FBN2: variants seen among roughly 807,000 people sequenced by gnomAD.
FBN2 encodes fibrillin 2, also known as fibrillin-2.
FBN2 carries 105 observed loss-of-function variants against 355.6 expected under a neutral mutation model. The observed-to-expected ratio is 0.30, with a 90% CI of 0.25 to 0.35. The LOEUF (loss-of-function observed/expected upper bound fraction) is 0.35. Among genes scored for constraint, FBN2 ranks in the 10% least tolerant of loss-of-function variants. The pLI is 1.00. For synonymous variants in FBN2, 1,350 were observed against 1,301.2 expected, an observed-to-expected ratio of 1.04 and a Z score of -0.81; for missense variants, 3,280 against 3,758.7, an observed-to-expected ratio of 0.87 and a Z score of 3.33.
At chr5:128,452,527 T>C (rs779362182) in intron 6 of FBN2, among the ~76,000 whole-genome samples, 1 of 152,126 alleles carries the variant, frequency 6.6e-6, no homozygotes, top group Non-Finnish European at 1.5e-5. Flanking sequence ...TATTAGATGA[T>C]ATATTATTTT....
intron 15 of FBN2, chr5:128,371,314 G>A (rs941098497): frequency 6.6e-6 from 1 of 152,074 alleles, no homozygotes; most frequent in Non-Finnish European, 1.5e-5. Flanking sequence ...GAACAATACC[G>A]GTAGCACCAT....
At chr5:128,318,071 C>T (rs1427217060) in intron 36 of FBN2, 78 bp downstream of exon 36, 1 of 1,439,394 alleles carries the variant, frequency 6.9e-7, no homozygotes, top group African/African-American at 1.4e-5. Context: ...AGCAAACACT[C>T]ATCACGGTTC....
chr5:128,305,438 T>C lies in FBN2; in HGVS notation c.5674+73A>G, dbSNP rs1197793824. 4 of 1,542,978 alleles carry C rather than the reference T, an allele frequency of 2.6e-6. No homozygotes were observed. The African/African-American group carries it at 5.4e-5, about 21-fold the overall frequency. The stretch of plus-strand genomic sequence containing the variant: ...GAGAAAATCTTTCCCAAATTATTCT[T>C]GAAGTATTTTTTGATAGGAAATCTA... On this transcript the variant is annotated intron_variant, in intron 44 of 64. Transcript: ENST00000262464.
At chr5:128,501,695 A>T (rs1422545000) in intron 5 of FBN2, among the ~76,000 whole-genome samples, 1 of 152,184 alleles carries the variant, frequency 6.6e-6, no homozygotes, top group Non-Finnish European at 1.5e-5. Flanking sequence ...AAATGATCAA[A>T]CAAAACAGTG....
chr5:128,376,307 G>T (rs1313330951), intron 14 of FBN2, among the ~76,000 whole-genome samples: 1 of 152,108 alleles, frequency 6.6e-6, no homozygotes, highest in African/African-American at 2.4e-5. Context: ...GTTACAAATG[G>T]TCTGTATATT....
At position 128,388,369 on chromosome 5, in the gene FBN2, T is replaced by A. The variant is rs138270580; in HGVS notation, c.1603+3649A>T. 5.8e-3 allele frequency among the ~76,000 whole-genome samples: 890 copies of A among 152,348 alleles called. 7 individuals carry two copies. The highest frequency in any genetic ancestry group is 0.02 in the African/African-American group (827 of 41,582). On this transcript the variant is annotated intron_variant, in intron 11 of 64. Coordinates refer to ENST00000262464, the MANE Select transcript of FBN2 (RefSeq NM_001999.4). ...AGGATAATATTGGTATGTGCTGATT[T>A]GATCCTGCCATTGCATTTAGGAGGT...
At chr5:128,265,932 C>T (rs890281708) in intron 62 of FBN2, among the ~76,000 whole-genome samples, 5 of 152,138 alleles carry the variant, frequency 3.3e-5, no homozygotes, top group African/African-American at 7.2e-5. Context: ...ACGAGGATTC[C>T]GGGGGAAATC....
intron 5 of FBN2, among the ~76,000 whole-genome samples, chr5:128,513,557 T>C (rs1451464633): frequency 6.6e-6 from 1 of 152,222 alleles, no homozygotes; most frequent in East Asian, 1.9e-4. Flanking sequence ...ACTGCTTTTG[T>C]TCAAAAGAGA....
intron 18 of FBN2, 101 bp downstream of exon 18, chr5:128,364,497 CTG>C (rs1241023571): frequency 3.3e-5 from 41 of 1,227,886 alleles, no homozygotes; most frequent in Non-Finnish European, 4.3e-5. Flanking sequence ...ACAAGAAAAA[CTG>C]TACAATTTTT....
At chr5:128,360,048 C>T (rs1289802032) in intron 19 of FBN2, among the ~76,000 whole-genome samples, 2 of 152,122 alleles carry the variant, frequency 1.3e-5, no homozygotes, top group Non-Finnish European at 2.9e-5. Flanking sequence ...ATCAAGATGA[C>T]GTCCTACCCT....
Position 128,292,626 on chromosome 5 carries a change from A to C in FBN2, c.6167-972T>G, listed in dbSNP as rs373784899. On this transcript the variant is annotated intron_variant, in intron 48 of 64. Transcript: ENST00000262464. ...GCCACCACCACCAACAACAAAAAAA[A>C]CAAACACAACAACTCCTGCAATGGC... Among the ~76,000 whole-genome samples, 2 of 152,182 alleles carry C rather than the reference A, an allele frequency of 1.3e-5. 1 individual carries two copies. Among genetic ancestry groups the C allele is most frequent in the South Asian group, 4.1e-4 (2 of 4,834 alleles).
chr5:128,450,846 A>G (rs181697982), intron 6 of FBN2, among the ~76,000 whole-genome samples: 1 of 152,278 alleles, frequency 6.6e-6, no homozygotes, highest in East Asian at 1.9e-4. Flanking sequence ...ACAAGCTTAC[A>G]TAATAGATTT....
At chr5:128,377,601 A>T (rs759014868) in intron 13 of FBN2, 151 bp downstream of exon 13, 7 of 822,844 alleles carry the variant, frequency 8.5e-6, no homozygotes, top group Non-Finnish European at 1.4e-5. Context: ...TTGCTTTAAC[A>T]GTCTTATATT....
chr5:128,441,450 A>G (rs1306558799), intron 7 of FBN2, among the ~76,000 whole-genome samples: 2 of 152,180 alleles, frequency 1.3e-5, no homozygotes, highest in African/African-American at 4.8e-5. Context: ...TTTCTCATCC[A>G]TATAATCCTA....
Position 128,408,691 on chromosome 5 carries a change from T to C in FBN2, c.1061A>G (p.Asp354Gly), listed in dbSNP as rs761066631. 5.6e-6 allele frequency: 9 copies of C among 1,614,026 alleles called. No homozygotes were observed. Among genetic ancestry groups the C allele is most frequent in the Non-Finnish European group, 7.6e-6 (9 of 1,179,914 alleles). Reference protein sequence around the residue: ...VCPRGYVTSTDGSRCIDQRTG... With the variant: ...VCPRGYVTSTGGSRCIDQRTG... ...AGGCTTACCGATGCATCGAGAGCCA[T>C]CTGTTGAGGTTACATATCCACGTGG... is the stretch of plus-strand genomic sequence containing the variant. Residue 354 changes from aspartate to glycine, a missense_variant, in exon 8 of 65, where the codon GAT (aspartate) becomes GGT (glycine). By Grantham distance (94) the Asp-to-Gly change is moderately conservative (BLOSUM62 -1). Around this residue, in one of 6 missense-constraint regions of FBN2, gnomAD observed 343 missense variants for 331.0 expected, o/e 1.04. Transcript: ENST00000262464.
intron 40 of FBN2, 138 bp downstream of exon 40, chr5:128,309,845 G>A: frequency 2.0e-6 from 2 of 982,456 alleles, no homozygotes; most frequent in Non-Finnish European, 3.2e-6. Flanking sequence ...TACTAAGCCA[G>A]CAGCTTGCAA....
intron 34 of FBN2, among the ~76,000 whole-genome samples, chr5:128,319,515 TTAAA>T (rs1253288688): frequency 2.0e-5 from 3 of 151,794 alleles, no homozygotes; most frequent in Admixed American, 6.6e-5. Flanking sequence ...ATTTAGTTAA[TTAAA>T]TAAATTTAGT....
intron 7 of FBN2, among the ~76,000 whole-genome samples, chr5:128,419,284 CA>C (rs1174503597): frequency 6.6e-6 from 1 of 151,936 alleles, no homozygotes; most frequent in Non-Finnish European, 1.5e-5. Flanking sequence ...TCTTTTTTTC[CA>C]GTCCGGGTAA....
intron 4 of FBN2, among the ~76,000 whole-genome samples, chr5:128,521,576 T>C (rs1050123868): frequency 1.3e-5 from 2 of 152,164 alleles, no homozygotes; most frequent in Admixed American, 1.3e-4. Context: ...GTTAAAAAGA[T>C]GCACTGCAAA....
Sources: allele counts gnomAD v4.1 joint callset (sites outside exome capture counted in the v4.1 genomes callset), GRCh38; gene constraint gnomAD v4.1.1; regional missense constraint gnomAD v4.1.1; transcripts MANE v1.5; gene names NCBI Gene and HGNC (gene_info 2026-07-23, HGNC 2026-07-21).